Variants in ZNF84 observed in about 807,000 individuals in gnomAD.
ZNF84 encodes the protein zinc finger protein 84.
A neutral mutation model predicts 14.8 loss-of-function variants in ZNF84; 12 were observed. That is an observed-to-expected ratio of 0.81 (90% CI 0.52 to 1.31). The LOEUF is 1.31. ZNF84 is among the 50% of genes most tolerant of loss of function. The pLI is 0.00. For missense variants in ZNF84, 859 were observed against 878.6 expected (o/e 0.98, Z 0.28); for synonymous variants, 347 against 291.1 (o/e 1.19, Z -1.96).
intron 1 of ZNF84, among the ~76,000 whole-genome samples, chr12:133,040,150 T>TG (rs1953860951): frequency 6.8e-6 from 1 of 146,162 alleles, no homozygotes; most frequent in East Asian, 2.0e-4. Flanking sequence ...CCAATTTGGA[T>TG]TTTTTTTTTT....
chr12:133,039,091 A>G (rs1953840597), intron 1 of ZNF84: 1 of 152,216 alleles, frequency 6.6e-6, no homozygotes, highest in South Asian at 2.1e-4. Flanking sequence ...TTTTATAATA[A>G]TAATTATAGC....
chr12:133,044,897 G>T (rs1363837426), intron 2 of ZNF84, among the ~76,000 whole-genome samples: 1 of 151,544 alleles, frequency 6.6e-6, no homozygotes, highest in Non-Finnish European at 1.5e-5. Flanking sequence ...CTGGGCAACA[G>T]AGCAAGACTC....
In ZNF84 at chr12:133,062,511, A is replaced by G. The variant is rs116833343; in HGVS notation, c.*3579A>G. The G allele has an allele frequency of 0.021, 3,238 of 157,204 alleles. 116 individuals carry two copies. The highest frequency in any genetic ancestry group is 0.073 in the African/African-American group (3,024 of 41,570). 9.7% of individuals were successfully genotyped at this position (157,204 alleles called of 1,614,324 possible). On this transcript the variant is annotated 3_prime_UTR_variant, in exon 5 of 5. Coordinates refer to ENST00000539354, the MANE Select transcript of ZNF84 (RefSeq NM_001289971.2). ...TCAATTTCAGAGGTCTTATTAGTCT[A>G]TACAGGTACCAATGAGCTTTCAGAT...
chr12:133,057,544 C>G lies in ZNF84; in HGVS notation c.829C>G (p.Gln277Glu), dbSNP rs2137420239. ...TGGGAAAGCCTTCTCCCAAAAGTCA[C>G]AGCTCACATCCCATCAGCGGACACA... ...QCGKAFSQKSQLTSHQRTHTG... is the reference protein window; with the variant it reads ...QCGKAFSQKSELTSHQRTHTG... The change falls in exon 5 of 5, where the codon CAG becomes GAG. Residue 277 changes from glutamine to glutamate, a missense_variant. Gln to Glu is a conservative substitution (Grantham distance 29). Coordinates refer to ENST00000539354, the MANE Select transcript of ZNF84 (RefSeq NM_001289971.2). 1.9e-6 allele frequency: 3 copies of G among 1,614,166 alleles called. No homozygotes were observed. In the East Asian group the frequency reaches 6.7e-5, roughly 36 times the overall value.
At chr12:133,048,177 C>G in intron 3 of ZNF84, 96 bp downstream of exon 3, 1 of 1,246,864 alleles carries the variant, frequency 8.0e-7, no homozygotes, top group Non-Finnish European at 1.1e-6. Flanking sequence ...AGCTAGGCTT[C>G]TGAAATTTTT....
chr12:133,055,410 A>G (rs1213824091), intron 4 of ZNF84, among the ~76,000 whole-genome samples: 3 of 152,164 alleles, frequency 2.0e-5, no homozygotes, highest in Non-Finnish European at 4.4e-5. Context: ...TCAACACTTA[A>G]TGAAAAACAT....
In ZNF84 at chr12:133,038,845, T is replaced by A. The variant is rs1359145157; in HGVS notation, c.-191+1300T>A. On this transcript the variant is annotated intron_variant, in intron 1 of 4. Coordinates refer to ENST00000539354, the MANE Select transcript of ZNF84 (RefSeq NM_001289971.2). Reference sequence around the variant, plus strand: ...TATGAGTCGGATTTTATTTTTTTGTTATTTTATGTGAGTTGTTTATATCTT... The same window carrying A: ...TATGAGTCGGATTTTATTTTTTTGTAATTTTATGTGAGTTGTTTATATCTT... 3 of 152,326 alleles carry A rather than the reference T, an allele frequency of 2.0e-5. No individual in the cohort carries two copies. In the East Asian group the frequency reaches 5.8e-4, roughly 29 times the overall value. The allele number at this position is 152,326 out of a possible 1,614,324, so 9.4% of individuals were successfully genotyped here. A position where few individuals can be genotyped will look rare whatever the true frequency, so the allele number is the denominator to read the frequency against.
In ZNF84 at chr12:133,058,645, AATC is replaced by A; in HGVS notation, c.1935_1937del (p.His645del). ...CTTCAGGGAGAAGTCAAGTCTCATC[AATC>A]ATCAGAGAATACATACAGGAGAGAA... On this transcript the variant is annotated inframe_deletion, in exon 5 of 5. Transcript: ENST00000539354. 1.2e-6 allele frequency: 2 copies of A among 1,614,206 alleles called. No homozygotes were observed. The highest frequency in any genetic ancestry group is 1.7e-6 in the Non-Finnish European group (2 of 1,180,026).
In ZNF84 at chr12:133,057,284, A is replaced by C. The variant is rs1954176274; in HGVS notation, c.569A>C (p.Lys190Thr). 2.5e-6 allele frequency: 4 copies of C among 1,613,650 alleles called. No homozygotes were observed. The highest frequency in any genetic ancestry group is 3.4e-6 in the Non-Finnish European group (4 of 1,179,916). Residue 190 changes from lysine (K) to threonine (T), a missense_variant, in exon 5 of 5, where the codon AAA becomes ACA. Lys to Thr is a moderately conservative substitution (Grantham distance 78, BLOSUM62 -1). Coordinates refer to ENST00000539354, the MANE Select transcript of ZNF84 (RefSeq NM_001289971.2). ...TGTGATAAATATAAAGAGAGCTATA[A>C]AAAGTCACAGATTATCATATATCAT... is the stretch of plus-strand genomic sequence containing the variant. ...YDCDKYKESY[K>T]KSQIIIYHRN...
At chr12:133,053,740 C>G (rs1279253699) in intron 4 of ZNF84, among the ~76,000 whole-genome samples, 1 of 152,000 alleles carries the variant, frequency 6.6e-6, no homozygotes, top group Non-Finnish European at 1.5e-5. Flanking sequence ...AATACCCTGT[C>G]TCAAAAAACA....
chr12:133,057,651 A>G lies in ZNF84; in HGVS notation c.936A>G (p.Thr312=), dbSNP rs1954184740. Residue 312 remains threonine, a synonymous_variant, in exon 5 of 5, where the codon ACA becomes ACG. Coordinates refer to ENST00000539354, the MANE Select transcript of ZNF84 (RefSeq NM_001289971.2). The stretch of plus-strand genomic sequence containing the variant: ...CACATCTCATATCGCATTGGAGAAC[A>G]CACACAGGAGAGAAACCCTATGGAT... ...RKSHLISHWR[T]HTGEKPYGCN... is the part of the protein sequence containing the mutation. 10 of 1,614,064 alleles carry G rather than the reference A, an allele frequency of 6.2e-6. No individual in the cohort carries two copies. Among genetic ancestry groups the G allele is most frequent in the Non-Finnish European group, 8.5e-6 (10 of 1,180,018 alleles).
At chr12:133,045,010 C>G (rs889620405) in intron 2 of ZNF84, among the ~76,000 whole-genome samples, 5 of 152,086 alleles carry the variant, frequency 3.3e-5, no homozygotes, top group African/African-American at 1.2e-4. Flanking sequence ...AGTATGACCT[C>G]AATAAGATCC....
At position 133,057,412 on chromosome 12, in the gene ZNF84, A is replaced by G. The variant is rs954023803; in HGVS notation, c.697A>G (p.Ile233Val). Residue 233 changes from isoleucine (I) to valine (V), a missense_variant, in exon 5 of 5, where the codon ATA becomes GTA. Coordinates refer to ENST00000539354, the MANE Select transcript of ZNF84 (RefSeq NM_001289971.2). Reference protein sequence around the residue: ...IKHQSRHIRDIAFGCGNCGKT... With the variant: ...IKHQSRHIRDVAFGCGNCGKT... ...ACATCAGAGCAGACATATAAGAGAC[A>G]TAGCCTTTGGCTGTGGTAATTGTGG... The G allele has an allele frequency of 6.2e-7, 1 of 1,614,220 alleles. No individual in the cohort carries two copies. Among genetic ancestry groups the G allele is most frequent in the Non-Finnish European group, 8.5e-7 (1 of 1,180,052 alleles).
chr12:133,047,462 C>G (rs1954001973), intron 2 of ZNF84, among the ~76,000 whole-genome samples: 1 of 151,732 alleles, frequency 6.6e-6, no homozygotes, highest in Non-Finnish European at 1.5e-5. Context: ...TGTTATTGAT[C>G]TTTGTAGCCA....
chr12:133,054,182 G>A (rs769558697), intron 4 of ZNF84, among the ~76,000 whole-genome samples: 2 of 152,046 alleles, frequency 1.3e-5, no homozygotes, highest in Non-Finnish European at 2.9e-5. Context: ...AGGAGTTCAA[G>A]AGCAGCCTGG....
chr12:133,042,671 A>G (rs765570928), intron 2 of ZNF84, among the ~76,000 whole-genome samples: 3 of 152,238 alleles, frequency 2.0e-5, no homozygotes, highest in Non-Finnish European at 4.4e-5. Flanking sequence ...TAATAAACGC[A>G]TGAACCTTAC....
In ZNF84 at chr12:133,062,148, A is replaced by C. The variant is rs2137443700; in HGVS notation, c.*3216A>C. On this transcript the variant is annotated 3_prime_UTR_variant, in exon 5 of 5. Transcript: ENST00000539354. Reference sequence around the variant, plus strand: ...GCCTGGATTTTCCCACTGACCTGGAATTGTGCACAGTTCTACAAAGGACAA... The same window carrying C: ...GCCTGGATTTTCCCACTGACCTGGACTTGTGCACAGTTCTACAAAGGACAA... 1 of 152,258 alleles carries C rather than the reference A, an allele frequency of 6.6e-6. No individual in the cohort carries two copies. The highest frequency in any genetic ancestry group is 1.5e-5 in the Non-Finnish European group (1 of 68,010). The allele number at this position is 152,258 out of a possible 1,614,324, so 9.4% of individuals were successfully genotyped here.
At position 133,046,905 on chromosome 12, in the gene ZNF84, TTATATTA is replaced by T. The variant is rs1953990706; in HGVS notation, c.16-1039_16-1033del. ...TTATATATTATTTTTAATATAATAT[TTATATTA>T]TATATTATATTATTTTTAATATAAT... is the stretch of plus-strand genomic sequence containing the variant. On this transcript the variant is annotated intron_variant, in intron 2 of 4. Transcript: ENST00000539354. Among the ~76,000 whole-genome samples, 3 of 144,132 alleles carry T rather than the reference TTATATTA, an allele frequency of 2.1e-5. No homozygotes were observed. In the Admixed American group the frequency reaches 2.1e-4, roughly 10 times the overall value. 94.6% of individuals were successfully genotyped at this position (144,132 alleles called of 152,430 possible). A position where few individuals can be genotyped will look rare whatever the true frequency, so the allele number is the denominator to read the frequency against.
intron 1 of ZNF84, among the ~76,000 whole-genome samples, chr12:133,039,823 G>C (rs1164122003): frequency 6.6e-6 from 1 of 151,514 alleles, no homozygotes; most frequent in African/African-American, 2.4e-5. Context: ...TATTCAATTT[G>C]TCAGTTAAAA....
Sources: gnomAD v4.1 joint callset for allele counts (sites outside exome capture counted in the v4.1 genomes callset) on GRCh38, gnomAD v4.1.1 for gene constraint, MANE v1.5 for transcripts, NCBI Gene and HGNC (gene_info 2026-07-23, HGNC 2026-07-21) for gene names.